The following CNNM4 variants were observed in gnomAD, a reference collection of about 807,000 sequenced individuals.
The protein encoded by CNNM4 is cyclin and CBS domain divalent metal cation transport mediator 4, also known as metal transporter CNNM4.
CNNM4 carries 32 observed loss-of-function variants against 53.7 expected under a neutral mutation model. That is an observed-to-expected ratio of 0.60 (90% CI 0.45 to 0.80). The LOEUF is 0.80. Among genes scored for constraint, CNNM4 ranks in the 30% least tolerant of loss-of-function variants. CNNM4 has a pLI of 0.00. For missense variants in CNNM4, 784 were observed against 1,022.0 expected (o/e 0.77, Z 3.17); for synonymous variants, 410 against 440.0 (o/e 0.93, Z 0.85).
Position 96,797,262 on chromosome 2 carries a change from C to G in CNNM4, c.1546+107C>G. On this transcript the variant is annotated intron_variant, in intron 2 of 6. Transcript: ENST00000377075. The surrounding 1 kb of genome is among the most constrained non-coding windows in gnomAD (Gnocchi z 6.0). ...TGCAGGGACACAGGAGGCCTAGCAT[C>G]CAGAGGCCCAGTGGCTGGGTGCCCT... is the stretch of plus-strand genomic sequence containing the variant. 6.7e-7 allele frequency: 1 copy of G among 1,501,352 alleles called. No homozygotes were observed. The highest frequency in any genetic ancestry group is 9.2e-7 in the Non-Finnish European group (1 of 1,091,276). 93.0% of individuals were successfully genotyped at this position (1,501,352 alleles called of 1,614,324 possible).
At position 96,811,363 on chromosome 2, in the gene CNNM4, GAGCAAAAGACATTGGTGGGGGTATGTGA is replaced by G. The variant is rs1019162304; in HGVS notation, c.*1855_*1882del. On this transcript the variant is annotated 3_prime_UTR_variant, in exon 7 of 7. Transcript: ENST00000377075. ...TCCTGACAGCCCTGACTGCCAGGTA[GAGCAAAAGACATTGGTGGGGGTATGTGA>G]AGCAAAAGGGGCAGGTGCACACACC... 11 of 152,494 alleles carry G rather than the reference GAGCAAAAGACATTGGTGGGGGTATGTGA, an allele frequency of 7.2e-5. No individual in the cohort carries two copies. Among genetic ancestry groups the G allele is most frequent in the African/African-American group, 2.6e-4 (11 of 41,592 alleles). 9.4% of individuals were successfully genotyped at this position (152,494 alleles called of 1,614,324 possible).
chr2:96,766,460 C>T (rs2078820050), intron 1 of CNNM4, among the ~76,000 whole-genome samples: 1 of 152,106 alleles, frequency 6.6e-6, no homozygotes, highest in African/African-American at 2.4e-5. Flanking sequence ...TATTCTTCTC[C>T]AGAAGTCAGC....
Position 96,792,568 on chromosome 2 carries a change from C to T in CNNM4, c.1403-4444C>T, listed in dbSNP as rs549908703. Among the ~76,000 whole-genome samples the T allele has an allele frequency of 9.9e-5, 15 of 152,022 alleles. No homozygotes were observed. The East Asian group carries it at 2.1e-3, about 22-fold the overall frequency. On this transcript the variant is annotated intron_variant, in intron 1 of 6. Transcript: ENST00000377075. ...CTGTAATCCCAGCACTCTGGGAGGC[C>T]GAGGAGGGTGGATCACCTGAGGTCA...
chr2:96,768,797 G>T (rs547249935), intron 1 of CNNM4, among the ~76,000 whole-genome samples: 19 of 152,294 alleles, frequency 1.2e-4, no homozygotes, highest in African/African-American at 4.3e-4. Flanking sequence ...AGTGGGTCTG[G>T]GTGTGGCCCG....
Position 96,810,208 on chromosome 2 carries a change from C to T in CNNM4, c.*691C>T, listed in dbSNP as rs1463054195. ...TGCAGAGGAGCACATCTGTTGTCAA[C>T]TGCTGTACCCAGAAATCTAGAACTC... On this transcript the variant is annotated 3_prime_UTR_variant, in exon 7 of 7. Coordinates refer to ENST00000377075, the MANE Select transcript of CNNM4 (RefSeq NM_020184.4). This position sits in a 1 kb window ranked among gnomAD's most constrained non-coding sequence, Gnocchi z 4.1. The T allele has an allele frequency of 6.6e-6, 1 of 152,638 alleles. No individual in the cohort carries two copies. The highest frequency in any genetic ancestry group is 1.5e-5 in the Non-Finnish European group (1 of 68,116). 9.5% of individuals were successfully genotyped at this position (152,638 alleles called of 1,614,324 possible).
intron 1 of CNNM4, among the ~76,000 whole-genome samples, chr2:96,764,741 A>G (rs2078797944): frequency 6.6e-6 from 1 of 152,088 alleles, no homozygotes; most frequent in African/African-American, 2.4e-5. Context: ...TAATCCCAGC[A>G]CTTTGGGAGG....
intron 6 of CNNM4, 166 bp from the exon 7 acceptor site, chr2:96,809,154 C>T: frequency 1.4e-6 from 2 of 1,469,398 alleles, no homozygotes; most frequent in Non-Finnish European, 9.2e-7. Context: ...GAGATGCTTT[C>T]TTCTCTTGTT....
chr2:96,763,163 C>T (rs1318679291), intron 1 of CNNM4, among the ~76,000 whole-genome samples: 2 of 152,162 alleles, frequency 1.3e-5, no homozygotes, highest in African/African-American at 4.8e-5. Context: ...GTAATTGTGG[C>T]GCCAGCGTAA....
chr2:96,781,687 T>G (rs2078977288), intron 1 of CNNM4, among the ~76,000 whole-genome samples: 1 of 152,118 alleles, frequency 6.6e-6, no homozygotes, highest in Admixed American at 6.6e-5. Context: ...CAGACCTCAT[T>G]ACATGTTTGA....
At chr2:96,781,788 CT>C (rs1277197941) in intron 1 of CNNM4, among the ~76,000 whole-genome samples, 2 of 152,078 alleles carry the variant, frequency 1.3e-5, no homozygotes, top group Admixed American at 1.3e-4. Flanking sequence ...GGGTAATCAC[CT>C]GCTTAGTCTT....
chr2:96,793,446 CCAA>C (rs2079078509), intron 1 of CNNM4, among the ~76,000 whole-genome samples: 2 of 152,214 alleles, frequency 1.3e-5, no homozygotes, highest in Non-Finnish European at 2.9e-5. Context: ...CAGGCAGTGC[CCAA>C]AGCTCAGCTT....
In CNNM4 at chr2:96,808,483, A is replaced by G; in HGVS notation, c.1949-78A>G. On this transcript the variant is annotated intron_variant, in intron 5 of 6. Transcript: ENST00000377075. This position sits in a 1 kb window ranked among gnomAD's most constrained non-coding sequence, Gnocchi z 4.9. Reference sequence around the variant, plus strand: ...CTGGGTGGGGTGTCCCTGGGCTTCCATGGGATGAGGTGAGACATGAGGGTG... The same window carrying G: ...CTGGGTGGGGTGTCCCTGGGCTTCCGTGGGATGAGGTGAGACATGAGGGTG... 6.7e-7 allele frequency: 1 copy of G among 1,488,448 alleles called. No homozygotes were observed. The highest frequency in any genetic ancestry group is 9.3e-7 in the Non-Finnish European group (1 of 1,071,660). 92.2% of individuals were successfully genotyped at this position (1,488,448 alleles called of 1,614,324 possible). A position where few individuals can be genotyped will look rare whatever the true frequency, so the allele number is the denominator to read the frequency against.
intron 5 of CNNM4, among the ~76,000 whole-genome samples, chr2:96,805,388 T>C (rs991136411): frequency 6.7e-6 from 1 of 148,774 alleles, no homozygotes; most frequent in East Asian, 1.9e-4. Context: ...CTCAGTTTAG[T>C]CTCTGTTGTT....
At position 96,787,435 on chromosome 2, in the gene CNNM4, T is replaced by C. The variant is rs2079025019; in HGVS notation, c.1403-9577T>C. ...GCTAGTGGTTTTTCTTAGGGATTTA[T>C]AAGTCTGGTATAAAACAGTGACTTT... is the stretch of plus-strand genomic sequence containing the variant. On this transcript the variant is annotated intron_variant, in intron 1 of 6. Transcript: ENST00000377075. Among the ~76,000 whole-genome samples the C allele has an allele frequency of 2.0e-5, 3 of 152,256 alleles. No individual in the cohort carries two copies. In the South Asian group the frequency reaches 6.2e-4, roughly 31 times the overall value.
intron 1 of CNNM4, among the ~76,000 whole-genome samples, chr2:96,778,863 A>G (rs574164401): frequency 1.0e-3 from 157 of 152,344 alleles, no homozygotes; most frequent in African/African-American, 3.4e-3. Flanking sequence ...GACAAAAACC[A>G]TATATATTTG....
At chr2:96,796,951 G>T (rs2153349245) in intron 1 of CNNM4, 61 bp from the exon 2 acceptor site, 1 of 1,579,770 alleles carries the variant, frequency 6.3e-7, no homozygotes, top group Non-Finnish European at 8.7e-7. Flanking sequence ...TAATGTTTTG[G>T]TTGAGGGAGT....
In CNNM4 at chr2:96,797,010, A is replaced by C; in HGVS notation, c.1403-2A>C. The C allele has an allele frequency of 1.2e-6, 2 of 1,612,778 alleles. No homozygotes were observed. The highest frequency in any genetic ancestry group is 1.7e-6 in the Non-Finnish European group (2 of 1,179,954). ...TGTCTGACTTGCTGCATTGTCCCAC[A>C]GGGAAGTCCCACCTGGCCATCGTGC... On this transcript the variant is annotated splice_acceptor_variant, in intron 1 of 6. Transcript: ENST00000377075. LOFTEE classifies it high-confidence loss of function. This position sits in a 1 kb window ranked among gnomAD's most constrained non-coding sequence, Gnocchi z 6.0.
rs1338428364 is a variant in CNNM4 at position 96,766,083 on chromosome 2, CT to C, written c.1402+3693del. 1.6e-3 allele frequency among the ~76,000 whole-genome samples: 207 copies of C among 131,162 alleles called. 2 individuals are homozygous for C. Among genetic ancestry groups the C allele is most frequent in the East Asian group, 9.8e-3 (44 of 4,474 alleles). 86.0% of individuals were successfully genotyped at this position (131,162 alleles called of 152,430 possible). A position where few individuals can be genotyped will look rare whatever the true frequency, so the allele number is the denominator to read the frequency against. ...ACAGGTGTGAGCCACCACACCTGGC[CT>C]TTTTTTTTTTCTTTTCTTTTTTTTT... On this transcript the variant is annotated intron_variant, in intron 1 of 6. Coordinates refer to ENST00000377075, the MANE Select transcript of CNNM4 (RefSeq NM_020184.4).
intron 1 of CNNM4, among the ~76,000 whole-genome samples, chr2:96,779,129 T>C (rs562593704): frequency 6.6e-6 from 1 of 152,256 alleles, no homozygotes; most frequent in African/African-American, 2.4e-5. Flanking sequence ...GCTAATTTTT[T>C]GCATTTTTTC....
Sources: gnomAD v4.1 joint callset for allele counts (sites outside exome capture counted in the v4.1 genomes callset) on GRCh38, gnomAD v4.1.1 for gene constraint, Gnocchi (gnomAD v3.1) non-coding constraint, MANE v1.5 for transcripts, NCBI Gene and HGNC (gene_info 2026-07-23, HGNC 2026-07-21) for gene names.